ACADM: variants seen among roughly 807,000 people sequenced by gnomAD.
ACADM encodes medium-chain specific acyl-CoA dehydrogenase, mitochondrial.
ACADM carries 49 observed loss-of-function variants against 58.9 expected under a neutral mutation model. That is an observed-to-expected ratio of 0.83 (90% CI 0.66 to 1.06). ACADM has a LOEUF of 1.06. Ranked by LOEUF, ACADM falls within the 50% of genes least tolerant of loss-of-function variation. ACADM has a pLI of 0.00. For synonymous variants in ACADM, 160 were observed against 157.7 expected (o/e 1.01, Z -0.11); for missense variants, 496 against 507.0 (o/e 0.98, Z 0.21).
In ACADM at chr1:75,736,620, T is replaced by G. The variant is rs918257113; in HGVS notation, c.468+1749T>G. On this transcript the variant is annotated intron_variant, in intron 6 of 11. Transcript: ENST00000370841. ...CATATCAAAATTTTTGGTTGCCAAG[T>G]CTGTTATACAAAATGTACAGTTAGC... Among the ~76,000 whole-genome samples, 6 of 152,376 alleles carry G rather than the reference T, an allele frequency of 3.9e-5. No homozygotes were observed. In the East Asian group the frequency reaches 1.2e-3, roughly 29 times the overall value.
chr1:75,750,479 A>G lies in ACADM; in HGVS notation c.878A>G (p.Gln293Arg). ...GCTGCTGGTGCTGTTGGATTAGCAC[A>G]AAGAGCTTTGGATGAAGCTACCAAG... ...VVAAGAVGLA[Q>R]RALDEATKYA... Residue 293 changes from glutamine to arginine, a missense_variant, in exon 10 of 12, where the codon CAA becomes CGA. Coordinates refer to ENST00000370841, the MANE Select transcript of ACADM (RefSeq NM_000016.6). 1.2e-6 allele frequency: 2 copies of G among 1,612,416 alleles called. No homozygotes were observed. Among genetic ancestry groups the G allele is most frequent in the Non-Finnish European group, 1.7e-6 (2 of 1,179,808 alleles).
rs780733071 is a variant in ACADM at position 75,740,064 on chromosome 1, A to G, written c.553A>G (p.Ile185Val). Residue 185 changes from isoleucine (I) to valine (V), a missense_variant, in exon 7 of 12, where the codon ATT becomes GTT. By Grantham distance (29) the Ile-to-Val change is conservative. Coordinates refer to ENST00000370841, the MANE Select transcript of ACADM (RefSeq NM_000016.6). ...KAEKKGDEYI[I>V]NGQKMWITNG... ...AGAAAAGAAAGGAGATGAGTATATT[A>G]TTAATGGTCAGAAGATGTGGATAAC... 3.2e-5 allele frequency: 51 copies of G among 1,612,494 alleles called. No homozygotes were observed. The highest frequency in any genetic ancestry group is 4.1e-5 in the Non-Finnish European group (48 of 1,178,914).
At chr1:75,757,374 C>T (rs1648566892) in intron 10 of ACADM, among the ~76,000 whole-genome samples, 1 of 152,110 alleles carries the variant, frequency 6.6e-6, no homozygotes, top group South Asian at 2.1e-4. Context: ...AAAAAATCAA[C>T]CCTATCAAAA....
chr1:75,726,124 T>A (rs1647051609), intron 1 of ACADM, among the ~76,000 whole-genome samples: 1 of 152,212 alleles, frequency 6.6e-6, no homozygotes, highest in Non-Finnish European at 1.5e-5. Context: ...ATTCCCTCGG[T>A]TGGCCAGGTG....
At chr1:75,762,621 C>T in intron 11 of ACADM, 71 bp from the exon 12 acceptor site, 1 of 1,002,654 alleles carries the variant, frequency 1.0e-6, no homozygotes, top group Non-Finnish European at 1.6e-6. Context: ...ATGCTACTGT[C>T]TAAAATGTTG....
intron 7 of ACADM, among the ~76,000 whole-genome samples, chr1:75,743,074 G>T (rs572457001): frequency 6.6e-6 from 1 of 152,164 alleles, no homozygotes; most frequent in Non-Finnish European, 1.5e-5. Flanking sequence ...CATGGTCCTC[G>T]GGGGTTTCTC....
At chr1:75,759,048 G>A (rs1374379796) in intron 10 of ACADM, among the ~76,000 whole-genome samples, 4 of 152,176 alleles carry the variant, frequency 2.6e-5, no homozygotes, top group African/African-American at 9.7e-5. Context: ...CCTGAAGTCA[G>A]CAAGACCACG....
intron 8 of ACADM, among the ~76,000 whole-genome samples, chr1:75,747,173 CT>C (rs1647947542): frequency 6.6e-6 from 1 of 151,890 alleles, no homozygotes; most frequent in South Asian, 2.1e-4. Flanking sequence ...TATGGCCCAT[CT>C]TTAGAAAGTA....
intron 8 of ACADM, among the ~76,000 whole-genome samples, chr1:75,747,246 A>G (rs1647950877): frequency 6.6e-6 from 1 of 151,958 alleles, no homozygotes; most frequent in East Asian, 1.9e-4. Flanking sequence ...TTATCTTGCT[A>G]TTTCTAGTTT....
chr1:75,749,180 A>T (rs189043023), intron 8 of ACADM, among the ~76,000 whole-genome samples: 3 of 152,228 alleles, frequency 2.0e-5, no homozygotes, highest in Non-Finnish European at 4.4e-5. Context: ...TTTGCAGGCC[A>T]TATCTCTGTC....
At chr1:75,738,818 G>A (rs1267613745) in intron 6 of ACADM, among the ~76,000 whole-genome samples, 1 of 151,918 alleles carries the variant, frequency 6.6e-6, no homozygotes, top group Non-Finnish European at 1.5e-5. Context: ...CACAGTACCG[G>A]CCACTCTTGA....
intron 7 of ACADM, chr1:75,743,273 C>G: frequency 1.2e-6 from 1 of 829,120 alleles, no homozygotes; most frequent in African/African-American, 1.7e-5. Context: ...AAAGCTGTGA[C>G]TGCTGGTTAC....
intron 10 of ACADM, among the ~76,000 whole-genome samples, chr1:75,755,295 CAGACA>C (rs1648437792): frequency 6.6e-6 from 1 of 152,218 alleles, no homozygotes; most frequent in Non-Finnish European, 1.5e-5. Context: ...GATCTGAGAA[CAGACA>C]GACTGCCTCC....
At chr1:75,734,443 G>A (rs572900313) in intron 5 of ACADM, among the ~76,000 whole-genome samples, 123 of 151,544 alleles carry the variant, frequency 8.1e-4, no homozygotes, top group Non-Finnish European at 1.4e-3. Flanking sequence ...CCAAAGTGCT[G>A]GGATTACAGG....
chr1:75,743,465 T>A (rs1190277101), intron 7 of ACADM: 1 of 1,611,552 alleles, frequency 6.2e-7, no homozygotes, highest in Non-Finnish European at 8.5e-7. Context: ...GCTGCCTTGA[T>A]TTTGCGGAGG....
intron 7 of ACADM, 66 bp from the exon 8 acceptor site, chr1:75,745,735 TAACTG>T (rs1647858530): frequency 1.8e-6 from 2 of 1,086,404 alleles, no homozygotes; most frequent in Non-Finnish European, 2.9e-6. Context: ...TTAAGAGAAT[TAACTG>T]AGAGAGCAAT....
chr1:75,724,919 A>C, intron 1 of ACADM, 102 bp downstream of exon 1: 1 of 1,249,648 alleles, frequency 8.0e-7, no homozygotes, highest in Non-Finnish European at 1.0e-6. Flanking sequence ...GAGGAGTGGG[A>C]AGTCGGGCTG....
At chr1:75,748,823 G>A (rs9660848) in intron 8 of ACADM, among the ~76,000 whole-genome samples, 39,921 of 152,014 alleles carry the variant, frequency 0.26, 6,559 homozygotes, top group East Asian at 0.69. Flanking sequence ...ATTTGTCAGA[G>A]CTATTAGAAA....
At chr1:75,753,814 T>TTTTTTTTTTTTTTA (rs1648340961) in intron 10 of ACADM, among the ~76,000 whole-genome samples, 7 of 117,152 alleles carry the variant, frequency 6.0e-5, no homozygotes, top group South Asian at 3.0e-4. Flanking sequence ...TTTTTTTTTT[T>TTTTTTTTTTTTTTA]GAGACAGGGT....
Sources: allele counts gnomAD v4.1 joint callset (sites outside exome capture counted in the v4.1 genomes callset), GRCh38; gene constraint gnomAD v4.1.1; transcripts MANE v1.5; gene names NCBI Gene and HGNC (gene_info 2026-07-23, HGNC 2026-07-21).